The following PRELID2 variants were observed in gnomAD, a reference collection of about 807,000 sequenced individuals.
The protein encoded by PRELID2 is PRELI domain-containing protein 2.
A neutral mutation model predicts 28.4 loss-of-function variants in PRELID2; 25 were observed. That is an observed-to-expected ratio of 0.88 (90% confidence interval 0.64 to 1.23). PRELID2 has a LOEUF of 1.23. Among genes scored for constraint, PRELID2 ranks in the 50% most tolerant of loss-of-function variants. The probability of loss-of-function intolerance (pLI) is 0.00; values close to 1 mark genes in which losing one functional copy is unlikely to be tolerated. For synonymous variants in PRELID2, 76 were observed against 71.6 expected (o/e 1.06, Z -0.31); for missense variants, 201 against 214.4 (o/e 0.94, Z 0.39).
intron 5 of PRELID2, among the ~76,000 whole-genome samples, chr5:145,777,449 A>C (rs1202092777): frequency 6.6e-6 from 1 of 152,192 alleles, no homozygotes; most frequent in Non-Finnish European, 1.5e-5. Flanking sequence ...TGTCTAGTTT[A>C]AATCTGGATT....
the PRELID2 span, among the ~76,000 whole-genome samples, chr5:145,348,743 A>C: frequency 6.6e-6 from 1 of 151,954 alleles, no homozygotes; most frequent in African/African-American, 2.4e-5. Flanking sequence ...TAATTTGTTC[A>C]TGCATTTCTT....
intron 1 of PRELID2, among the ~76,000 whole-genome samples, chr5:145,701,076 G>A (rs980138121): frequency 4.6e-5 from 7 of 152,228 alleles, no homozygotes; most frequent in Non-Finnish European, 7.3e-5. Context: ...GTGGCCGAAG[G>A]CTTCAACTCC....
chr5:145,429,589 G>T, the PRELID2 span, among the ~76,000 whole-genome samples: 1 of 152,172 alleles, frequency 6.6e-6, no homozygotes, highest in Non-Finnish European at 1.5e-5. Context: ...ACGTAGGTAG[G>T]TCATGTAGAC....
chr5:145,300,697 T>A, the PRELID2 span, among the ~76,000 whole-genome samples: 2 of 140,550 alleles, frequency 1.4e-5, no homozygotes, highest in Non-Finnish European at 3.2e-5. Flanking sequence ...AGATTTTTAT[T>A]TACTTTTTTT....
intron 1 of PRELID2, among the ~76,000 whole-genome samples, chr5:145,507,926 A>G (rs925649693): frequency 2.6e-5 from 4 of 152,162 alleles, no homozygotes; most frequent in Non-Finnish European, 4.4e-5. Context: ...GCATTTTGTT[A>G]GAAGGGTAAA....
the PRELID2 span, among the ~76,000 whole-genome samples, chr5:145,330,740 T>C: frequency 0.018 from 2,811 of 152,230 alleles, 87 homozygotes; most frequent in African/African-American, 0.064. Flanking sequence ...GATTCACTGA[T>C]TTTTTTGAAA....
At chr5:145,777,068 C>T (rs966280691) in intron 5 of PRELID2, among the ~76,000 whole-genome samples, 9 of 152,138 alleles carry the variant, frequency 5.9e-5, no homozygotes, top group African/African-American at 1.2e-4. Flanking sequence ...ATGCAAAATT[C>T]CCAAGACTGA....
intron 1 of PRELID2, among the ~76,000 whole-genome samples, chr5:145,626,588 A>G (rs1425365601): frequency 1.3e-5 from 2 of 152,192 alleles, no homozygotes; most frequent in African/African-American, 4.8e-5. Context: ...GTCAGTTAAC[A>G]CAACTTCTAT....
the PRELID2 span, among the ~76,000 whole-genome samples, chr5:145,336,797 T>C: frequency 1.3e-5 from 2 of 151,606 alleles, no homozygotes; most frequent in Non-Finnish European, 2.9e-5. Context: ...AAATGATGAG[T>C]TCATGTCCTT....
At position 145,634,234 on chromosome 5, in the gene PRELID2, CT is replaced by C. The variant is rs1254020016; in HGVS notation, n.70+130696del. Among the ~76,000 whole-genome samples, 3 of 152,176 alleles carry C rather than the reference CT, an allele frequency of 2.0e-5. No homozygotes were observed. The East Asian group carries it at 5.8e-4, about 29-fold the overall frequency. ...CTTGCAATCCCTGTATTTCAATCTG[CT>C]GAGAGTTATCTTTCTAAAATACAAA... On this transcript the variant is annotated intron_variant and non_coding_transcript_variant, in intron 1 of 2. Coordinates refer to the PRELID2 transcript ENST00000510259.
chr5:145,466,666 A>G, the PRELID2 span, among the ~76,000 whole-genome samples: 1 of 152,160 alleles, frequency 6.6e-6, no homozygotes, highest in African/African-American at 2.4e-5. Context: ...CCAAGAACAC[A>G]TTGTCCCTTG....
chr5:145,532,743 A>G (rs1327042725), intron 1 of PRELID2, among the ~76,000 whole-genome samples: 1 of 152,086 alleles, frequency 6.6e-6, no homozygotes, highest in East Asian at 1.9e-4. Flanking sequence ...GGCTCATTTC[A>G]CTAAGCATAA....
intron 1 of PRELID2, among the ~76,000 whole-genome samples, chr5:145,736,488 T>G (rs1340921651): frequency 6.6e-6 from 1 of 152,204 alleles, no homozygotes; most frequent in Non-Finnish European, 1.5e-5. Context: ...TTATATAAAA[T>G]TAGTCATAAT....
At chr5:145,352,561 GT>G in the PRELID2 span, among the ~76,000 whole-genome samples, 14 of 152,216 alleles carry the variant, frequency 9.2e-5, no homozygotes, top group Non-Finnish European at 1.5e-4. Context: ...AGGGGCTGCT[GT>G]GGAGGTTTCT....
chr5:145,698,516 G>A (rs547528726), intron 1 of PRELID2, among the ~76,000 whole-genome samples: 64 of 152,288 alleles, frequency 4.2e-4, no homozygotes, highest in African/African-American at 1.5e-3. Context: ...TGGAGGCTGG[G>A]AAGTCCAAGA....
At chr5:145,770,281 T>C (rs1246500299) in intron 5 of PRELID2, among the ~76,000 whole-genome samples, 1 of 151,984 alleles carries the variant, frequency 6.6e-6, no homozygotes, top group Non-Finnish European at 1.5e-5. Flanking sequence ...TGGGAGAGGC[T>C]GAGGTGGGAG....
chr5:145,679,405 T>C (rs931456277), intron 1 of PRELID2, among the ~76,000 whole-genome samples: 5 of 152,226 alleles, frequency 3.3e-5, no homozygotes, highest in African/African-American at 1.2e-4. Flanking sequence ...TGTAGAGATC[T>C]TTCTAGAATA....
chr5:145,257,584 T>A, the PRELID2 span, among the ~76,000 whole-genome samples: 1 of 152,038 alleles, frequency 6.6e-6, no homozygotes, highest in Non-Finnish European at 1.5e-5. Flanking sequence ...AAGACACAAC[T>A]AATGATGTTC....
intron 5 of PRELID2, among the ~76,000 whole-genome samples, chr5:145,794,669 G>C (rs1752617350): frequency 6.6e-6 from 1 of 152,104 alleles, no homozygotes; most frequent in South Asian, 2.1e-4. Context: ...TATCGGGTAT[G>C]CTTATCTTTT....
Sources: allele counts gnomAD v4.1 joint callset (sites outside exome capture counted in the v4.1 genomes callset), GRCh38; gene constraint gnomAD v4.1.1; transcripts MANE v1.5; gene names NCBI Gene and HGNC (gene_info 2026-07-23, HGNC 2026-07-21).